The following WWOX variants were observed in gnomAD, a reference collection of about 807,000 sequenced individuals.
WWOX encodes WW domain containing oxidoreductase.
A neutral mutation model predicts 46.2 loss-of-function variants in WWOX; 69 were observed. The observed-to-expected ratio is 1.49, with a 90% CI of 1.23 to 1.82. The LOEUF is 1.82. WWOX is among the 40% of genes most tolerant of loss of function. The probability of loss-of-function intolerance (pLI) is 0.00; values close to 1 mark genes in which losing one functional copy is unlikely to be tolerated. For missense variants in WWOX, 919 were observed against 542.6 expected (o/e 1.69, Z -6.89); for synonymous variants, 359 against 202.6 (o/e 1.77, Z -6.56).
intron 8 of WWOX, among the ~76,000 whole-genome samples, chr16:78,784,191 A>T (rs1321088571): frequency 2.0e-5 from 3 of 152,176 alleles, no homozygotes; most frequent in African/African-American, 7.2e-5. Context: ...CACATCATTC[A>T]ATCACTCAAC....
At position 79,088,501 on chromosome 16, in the gene WWOX, A is replaced by G. The variant is rs139978267; in HGVS notation, c.1057-123107A>G. 1.5e-3 allele frequency among the ~76,000 whole-genome samples: 227 copies of G among 152,358 alleles called. 1 individual carries two copies. Among genetic ancestry groups the G allele is most frequent in the African/African-American group, 5.1e-3 (214 of 41,570 alleles). ...AACCTCACAGTCATCAGCAAGTCTT[A>G]TCTGGGCCGCTGCAAATATGACGGA... On this transcript the variant is annotated intron_variant, in intron 8 of 8. Coordinates refer to ENST00000566780, the MANE Select transcript of WWOX (RefSeq NM_016373.4).
At chr16:78,856,717 A>C (rs1365112357) in intron 8 of WWOX, among the ~76,000 whole-genome samples, 1 of 152,234 alleles carries the variant, frequency 6.6e-6, no homozygotes, top group Non-Finnish European at 1.5e-5. Context: ...CTTTAAAAAA[A>C]TGTACTATCT....
chr16:78,524,094 G>A (rs763908328), intron 8 of WWOX, among the ~76,000 whole-genome samples: 4 of 152,200 alleles, frequency 2.6e-5, no homozygotes, highest in Non-Finnish European at 4.4e-5. Flanking sequence ...CAAATAACAT[G>A]AAGTGTGTTT....
intron 8 of WWOX, among the ~76,000 whole-genome samples, chr16:78,696,431 A>G (rs973538485): frequency 1.3e-5 from 2 of 152,066 alleles, no homozygotes; most frequent in Non-Finnish European, 2.9e-5. Context: ...TGAGAAAACC[A>G]TACACATCCA....
At chr16:78,268,028 A>C (rs1254863433) in intron 5 of WWOX, among the ~76,000 whole-genome samples, 1 of 152,194 alleles carries the variant, frequency 6.6e-6, no homozygotes, top group Non-Finnish European at 1.5e-5. Context: ...CATGTTGCCC[A>C]GGCTCATCTC....
At position 79,038,594 on chromosome 16, in the gene WWOX, G is replaced by A. The variant is rs553084061; in HGVS notation, c.1057-173014G>A. Among the ~76,000 whole-genome samples the A allele has an allele frequency of 2.6e-5, 4 of 152,218 alleles. No homozygotes were observed. In the East Asian group the frequency reaches 7.7e-4, roughly 29 times the overall value. ...GACAGAGTTTCTCTCTTGTCACACA[G>A]GCTGGAGTGCAATGGTGCAATCTCA... On this transcript the variant is annotated intron_variant, in intron 8 of 8. Transcript: ENST00000566780.
At chr16:78,804,174 G>T (rs946060540) in intron 8 of WWOX, among the ~76,000 whole-genome samples, 29 of 152,058 alleles carry the variant, frequency 1.9e-4, no homozygotes, top group Admixed American at 8.5e-4. Flanking sequence ...AGGGCTGGGG[G>T]TCCTCTTGAA....
At chr16:78,723,389 G>C (rs567289196) in intron 8 of WWOX, among the ~76,000 whole-genome samples, 1 of 151,924 alleles carries the variant, frequency 6.6e-6, no homozygotes, top group Non-Finnish European at 1.5e-5. Flanking sequence ...AGGAGAAGGC[G>C]GAGTGACCAC....
At chr16:78,156,820 A>G (rs2034622907) in intron 4 of WWOX, among the ~76,000 whole-genome samples, 4 of 152,110 alleles carry the variant, frequency 2.6e-5, no homozygotes, top group Admixed American at 1.3e-4. Context: ...GTTGCTGGGG[A>G]GACTGAGACA....
chr16:78,218,499 A>G (rs1173812567), intron 5 of WWOX, among the ~76,000 whole-genome samples: 2 of 152,170 alleles, frequency 1.3e-5, no homozygotes, highest in South Asian at 2.1e-4. Flanking sequence ...GACAGGAGTC[A>G]TGATTTGACT....
chr16:78,450,264 C>A (rs549046059), intron 8 of WWOX, among the ~76,000 whole-genome samples: 1 of 152,206 alleles, frequency 6.6e-6, no homozygotes, highest in East Asian at 1.9e-4. Context: ...CCTTGAGTTG[C>A]ATATGATGGG....
intron 8 of WWOX, among the ~76,000 whole-genome samples, chr16:78,593,546 G>A (rs140694608): frequency 0.018 from 2,801 of 152,252 alleles, 40 homozygotes; most frequent in Non-Finnish European, 0.028. Flanking sequence ...CGGCCACAGT[G>A]CATGATGGGG....
At chr16:78,333,145 G>C (rs911360505) in intron 5 of WWOX, among the ~76,000 whole-genome samples, 3 of 144,010 alleles carry the variant, frequency 2.1e-5, no homozygotes, top group African/African-American at 7.7e-5. Context: ...TCGCCTCCCA[G>C]GTTCAGGCGA....
In WWOX at chr16:78,260,666, T is replaced by TA. The variant is rs35094943; in HGVS notation, c.516+96388dup. On this transcript the variant is annotated intron_variant, in intron 5 of 8. Coordinates refer to ENST00000566780, the MANE Select transcript of WWOX (RefSeq NM_016373.4). ...CTGGGTGACAAAGCTATACTCCATCTAAAAAAAAAAATTAGTTATCTCTGC... is the reference window on the plus strand; with the variant it reads ...CTGGGTGACAAAGCTATACTCCATCTAAAAAAAAAAAATTAGTTATCTCTGC... Among the ~76,000 whole-genome samples the TA allele has an allele frequency of 1.8e-3, 254 of 143,428 alleles. 6 individuals carry two copies. The highest frequency in any genetic ancestry group is 5.9e-3 in the African/African-American group (230 of 38,656). 94.1% of individuals were successfully genotyped at this position (143,428 alleles called of 152,430 possible). A position where few individuals can be genotyped will look rare whatever the true frequency, so the allele number is the denominator to read the frequency against.
At chr16:78,902,632 C>G (rs367655404) in intron 8 of WWOX, among the ~76,000 whole-genome samples, 2 of 152,220 alleles carry the variant, frequency 1.3e-5, no homozygotes, top group East Asian at 1.9e-4. Context: ...GGCTGCAACG[C>G]TTTTACCATG....
intron 5 of WWOX, among the ~76,000 whole-genome samples, chr16:78,352,631 G>A (rs1359206418): frequency 6.6e-6 from 1 of 152,160 alleles, no homozygotes; most frequent in Non-Finnish European, 1.5e-5. Context: ...CTGTTTGAAG[G>A]TCAGCCAATT....
At chr16:78,920,653 A>G (rs2045357191) in intron 8 of WWOX, among the ~76,000 whole-genome samples, 2 of 152,120 alleles carry the variant, frequency 1.3e-5, no homozygotes, top group South Asian at 2.1e-4. Flanking sequence ...TGCTTGATTC[A>G]TGTCTTGGAA....
intron 8 of WWOX, among the ~76,000 whole-genome samples, chr16:78,736,294 A>C (rs994546740): frequency 1.3e-5 from 2 of 152,264 alleles, no homozygotes; most frequent in South Asian, 2.1e-4. Context: ...GGCTATCCTC[A>C]TGGGGACCTG....
intron 5 of WWOX, among the ~76,000 whole-genome samples, chr16:78,164,788 T>G (rs1006735143): frequency 3.3e-5 from 5 of 152,214 alleles, no homozygotes; most frequent in African/African-American, 1.2e-4. Flanking sequence ...CCTCATAGGC[T>G]TACCTTCTAG....
Sources: allele counts gnomAD v4.1 joint callset (sites outside exome capture counted in the v4.1 genomes callset), GRCh38; gene constraint gnomAD v4.1.1; transcripts MANE v1.5; gene names NCBI Gene and HGNC (gene_info 2026-07-23, HGNC 2026-07-21).